PHACTR2: variants seen among roughly 807,000 people sequenced by gnomAD.
PHACTR2 encodes the protein phosphatase and actin regulator 2, also known as chromosome 6 open reading frame 56.
A neutral mutation model predicts 76.0 loss-of-function variants in PHACTR2; 30 were observed. The observed-to-expected ratio is 0.39, with a 90% CI of 0.30 to 0.54. The LOEUF is 0.54. Ranked by LOEUF, PHACTR2 falls within the 20% of genes least tolerant of loss-of-function variation. PHACTR2 has a pLI of 0.61. For missense variants in PHACTR2, 696 were observed against 781.1 expected, an observed-to-expected ratio of 0.89 and a Z score of 1.30; for synonymous variants, 292 against 292.5, an observed-to-expected ratio of 1.00 and a Z score of 0.02.
At position 143,597,940 on chromosome 6, in the gene PHACTR2, G is replaced by A. The variant is rs765765936; in HGVS notation, c.217+60733G>A. ...ATATTTTCTACCTGTTACTCAGCAC[G>A]CAAGACTTCAGGTGCACCTACGGAA... On this transcript the variant is annotated intron_variant, in intron 1 of 11. Transcript: ENST00000367584. This position sits in a 1 kb window ranked among gnomAD's most constrained non-coding sequence, Gnocchi z 5.7. Among the ~76,000 whole-genome samples, 13 of 152,062 alleles carry A rather than the reference G, an allele frequency of 8.5e-5. No homozygotes were observed. The highest frequency in any genetic ancestry group is 1.3e-4 in the Non-Finnish European group (9 of 68,038).
Position 143,780,410 on chromosome 6 carries a change from G to C in PHACTR2, c.1646-2809G>C, listed in dbSNP as rs536994804. On this transcript the variant is annotated intron_variant, in intron 9 of 12. Transcript: ENST00000440869. This position sits in a 1 kb window ranked among gnomAD's most constrained non-coding sequence, Gnocchi z 4.4. ...GAGAATTGCTTGATGCCAGGAGTTTGAGACCAGCCTGGGCAATATAGTGAG... is the reference window on the plus strand; with the variant it reads ...GAGAATTGCTTGATGCCAGGAGTTTCAGACCAGCCTGGGCAATATAGTGAG... Among the ~76,000 whole-genome samples the C allele has an allele frequency of 1.3e-5, 2 of 152,022 alleles. No homozygotes were observed. The highest frequency in any genetic ancestry group is 2.9e-5 in the Non-Finnish European group (2 of 68,012).
In PHACTR2 at chr6:143,639,638, G is replaced by A. The variant is rs1776530210; in HGVS notation, c.13+31316G>A. 6.6e-6 allele frequency among the ~76,000 whole-genome samples: 1 copy of A among 152,104 alleles called. No homozygotes were observed. Among genetic ancestry groups the A allele is most frequent in the African/African-American group, 2.4e-5 (1 of 41,414 alleles). ...TAACTCTCCCTTTGATGATGGATTA[G>A]CATACCCCATCATGAGTAAGGATAG... On this transcript the variant is annotated intron_variant, in intron 1 of 11. Transcript: ENST00000305766. This position sits in a 1 kb window ranked among gnomAD's most constrained non-coding sequence, Gnocchi z 5.0.
rs1011639983 is a variant in PHACTR2, at chr6:143,820,722, C to T, written c.1923-2952C>T. ...TCTGGGGTCTGGAGGACAGTGACTT[C>T]CTTTTCACAGTTCCACTAGGCAATG... is the stretch of plus-strand genomic sequence containing the variant. On this transcript the variant is annotated intron_variant, in intron 12 of 12. Transcript: ENST00000440869. This position sits in a 1 kb window ranked among gnomAD's most constrained non-coding sequence, Gnocchi z 4.2. Among the ~76,000 whole-genome samples, 1 of 152,182 alleles carries T rather than the reference C, an allele frequency of 6.6e-6. No homozygotes were observed. The highest frequency in any genetic ancestry group is 2.4e-5 in the African/African-American group (1 of 41,440).
Position 143,831,174 on chromosome 6 carries a change from A to T in PHACTR2, c.*7485A>T, listed in dbSNP as rs1376172000. On this transcript the variant is annotated 3_prime_UTR_variant, in exon 13 of 13. Transcript: ENST00000440869. This position sits in a 1 kb window ranked among gnomAD's most constrained non-coding sequence, Gnocchi z 5.2. ...AGTTTATAATATAGAAAATAAACAG[A>T]CTTCCTCATTATGCTTGCTATTTAA... The T allele has an allele frequency of 1.3e-5, 2 of 152,222 alleles. No homozygotes were observed. The highest frequency in any genetic ancestry group is 6.5e-5 in the Admixed American group (1 of 15,282). The allele number at this position is 152,222 out of a possible 1,614,324, so 9.4% of individuals were successfully genotyped here. A position where few individuals can be genotyped will look rare whatever the true frequency, so the allele number is the denominator to read the frequency against.
chr6:143,708,786 G>A lies in PHACTR2; in HGVS notation c.47-3230G>A, dbSNP rs926137580. ...ACATATGGTTTCTAATTGCAAATAT[G>A]GTCTATGATAGGGGAAAAATAGGCT... is the stretch of plus-strand genomic sequence containing the variant. On this transcript the variant is annotated intron_variant, in intron 1 of 12. Transcript: ENST00000440869. The surrounding 1 kb of genome is among the most constrained non-coding windows in gnomAD (Gnocchi z 5.5). Among the ~76,000 whole-genome samples the A allele has an allele frequency of 6.6e-6, 1 of 152,122 alleles. No homozygotes were observed. Among genetic ancestry groups the A allele is most frequent in the African/African-American group, 2.4e-5 (1 of 41,420 alleles).
Position 143,742,703 on chromosome 6 carries a change from G to T in PHACTR2, c.215-6282G>T, listed in dbSNP as rs1429183285. ...GCCATTTCTAAAAGAAGTAGAAGAG[G>T]ATGCTAGACATGCCTTTCCTCCTTC... On this transcript the variant is annotated intron_variant, in intron 2 of 12. Transcript: ENST00000440869. This position sits in a 1 kb window ranked among gnomAD's most constrained non-coding sequence, Gnocchi z 4.5. Among the ~76,000 whole-genome samples, 1 of 152,164 alleles carries T rather than the reference G, an allele frequency of 6.6e-6. No individual in the cohort carries two copies. Among genetic ancestry groups the T allele is most frequent in the Non-Finnish European group, 1.5e-5 (1 of 68,020 alleles).
chr6:143,807,203 A>G lies in PHACTR2; in HGVS notation c.1922+70A>G. On this transcript the variant is annotated intron_variant, in intron 12 of 12. Coordinates refer to ENST00000440869, the MANE Select transcript of PHACTR2 (RefSeq NM_001100164.2). This position sits in a 1 kb window ranked among gnomAD's most constrained non-coding sequence, Gnocchi z 5.5. ...TGATCCCATGTTGAGTTGGTTAAAA[A>G]AAGAAATTGCTTACAATGGTAAATT... 1 of 866,168 alleles carries G rather than the reference A, an allele frequency of 1.2e-6. No individual in the cohort carries two copies. The highest frequency in any genetic ancestry group is 1.5e-5 in the South Asian group (1 of 66,630). 53.7% of individuals were successfully genotyped at this position (866,168 alleles called of 1,614,324 possible). A position where few individuals can be genotyped will look rare whatever the true frequency, so the allele number is the denominator to read the frequency against.
In PHACTR2 at chr6:143,550,789, A is replaced by C. The variant is rs986950259; in HGVS notation, c.217+13582A>C. 6.6e-6 allele frequency among the ~76,000 whole-genome samples: 1 copy of C among 151,700 alleles called. No individual in the cohort carries two copies. On this transcript the variant is annotated intron_variant, in intron 1 of 11. Coordinates refer to the PHACTR2 transcript ENST00000367584. This position sits in a 1 kb window ranked among gnomAD's most constrained non-coding sequence, Gnocchi z 4.8. ...TGCGGTGGCTCACGCCTGTAATCCT[A>C]GCACTTTAGGAGGCCTAGGAGGGCA...
chr6:143,774,178 C>A lies in PHACTR2; in HGVS notation c.1552C>A (p.Gln518Lys). Reference protein sequence around the residue: ...ILQRTSEEERQEIRQQIGTKL... With the variant: ...ILQRTSEEERKEIRQQIGTKL... Reference sequence around the variant, plus strand: ...GCAGCGTACATCTGAAGAAGAGAGGCAGGAAATCCGACAACAAATTGGAAC... The same window carrying A: ...GCAGCGTACATCTGAAGAAGAGAGGAAGGAAATCCGACAACAAATTGGAAC... The change falls in exon 8 of 13, where the codon CAG becomes AAG. Residue 518 changes from glutamine to lysine, a missense_variant. Physicochemically the swap from Gln to Lys is moderately conservative, Grantham distance 53 (BLOSUM62 1). Coordinates refer to ENST00000440869, the MANE Select transcript of PHACTR2 (RefSeq NM_001100164.2). The surrounding 1 kb of genome is among the most constrained non-coding windows in gnomAD (Gnocchi z 5.4). 1 of 1,614,020 alleles carries A rather than the reference C, an allele frequency of 6.2e-7. No individual in the cohort carries two copies. Among genetic ancestry groups the A allele is most frequent in the Non-Finnish European group, 8.5e-7 (1 of 1,179,910 alleles).
At chr6:143,603,762 T>C (rs1775838509), upstream of PHACTR2, among the ~76,000 whole-genome samples, 1 of 152,212 alleles carries the variant, frequency 6.6e-6, no homozygotes, top group South Asian at 2.1e-4. Context: ...GTCAAAACTA[T>C]TTGATAGCTG....
chr6:143,550,294 G>C lies in PHACTR2; in HGVS notation c.217+13087G>C, dbSNP rs1481609841. On this transcript the variant is annotated intron_variant, in intron 1 of 11. Transcript: ENST00000367584. This position sits in a 1 kb window ranked among gnomAD's most constrained non-coding sequence, Gnocchi z 4.8. The stretch of plus-strand genomic sequence containing the variant: ...CTTCTAAGTTTTGCTGACGCTGCTG[G>C]TCCTCGGACCACACTTCAAGGGAAG... Among the ~76,000 whole-genome samples the C allele has an allele frequency of 2.0e-5, 3 of 151,992 alleles. 1 individual carries two copies. The highest frequency in any genetic ancestry group is 4.4e-5 in the Non-Finnish European group (3 of 67,960).
intron 1 of PHACTR2, among the ~76,000 whole-genome samples, chr6:143,632,225 G>T (rs2128442201): frequency 6.6e-6 from 1 of 152,278 alleles, no homozygotes; most frequent in Middle Eastern, 3.4e-3. Flanking sequence ...ACCTAGGGAA[G>T]GCTGCTGCTT....
At position 143,823,771 on chromosome 6, in the gene PHACTR2, G is replaced by T; in HGVS notation, c.*82G>T. On this transcript the variant is annotated 3_prime_UTR_variant, in exon 13 of 13. Coordinates refer to ENST00000440869, the MANE Select transcript of PHACTR2 (RefSeq NM_001100164.2). The surrounding 1 kb of genome is among the most constrained non-coding windows in gnomAD (Gnocchi z 5.7). Reference sequence around the variant, plus strand: ...TCCTGAAAACCTGATATTGCACTGGGATTTGAATGTGTGTGTTTCCGTTTA... The same window carrying T: ...TCCTGAAAACCTGATATTGCACTGGTATTTGAATGTGTGTGTTTCCGTTTA... 9.1e-7 allele frequency: 1 copy of T among 1,100,934 alleles called. No individual in the cohort carries two copies. The highest frequency in any genetic ancestry group is 1.2e-5 in the South Asian group (1 of 80,330). The allele number at this position is 1,100,934 out of a possible 1,614,324, so 68.2% of individuals were successfully genotyped here. A position where few individuals can be genotyped will look rare whatever the true frequency, so the allele number is the denominator to read the frequency against.
At position 143,755,924 on chromosome 6, in the gene PHACTR2, C is replaced by G. The variant is rs1158636347; in HGVS notation, c.454+2012C>G. On this transcript the variant is annotated intron_variant, in intron 4 of 12. Coordinates refer to ENST00000440869, the MANE Select transcript of PHACTR2 (RefSeq NM_001100164.2). The surrounding 1 kb of genome is among the most constrained non-coding windows in gnomAD (Gnocchi z 5.2). The stretch of plus-strand genomic sequence containing the variant: ...AACTCAAGCTTCACTTTTGCCTCTG[C>G]TCCTCTTCTGGTCTCACTGCTTGTG... Among the ~76,000 whole-genome samples, 1 of 152,066 alleles carries G rather than the reference C, an allele frequency of 6.6e-6. No individual in the cohort carries two copies. Among genetic ancestry groups the G allele is most frequent in the Non-Finnish European group, 1.5e-5 (1 of 68,034 alleles).
chr6:143,685,721 A>G (rs1777501228), intron 1 of PHACTR2, among the ~76,000 whole-genome samples: 1 of 151,604 alleles, frequency 6.6e-6, no homozygotes, highest in South Asian at 2.1e-4. Context: ...GCAACTGATC[A>G]CCTATGAGTT....
Position 143,623,894 on chromosome 6 carries a change from A to G in PHACTR2, c.13+15572A>G, listed in dbSNP as rs1217763391. Among the ~76,000 whole-genome samples, 4 of 152,194 alleles carry G rather than the reference A, an allele frequency of 2.6e-5. No homozygotes were observed. The highest frequency in any genetic ancestry group is 9.7e-5 in the African/African-American group (4 of 41,438). On this transcript the variant is annotated intron_variant, in intron 1 of 11. Coordinates refer to the PHACTR2 transcript ENST00000305766. The surrounding 1 kb of genome is among the most constrained non-coding windows in gnomAD (Gnocchi z 5.9). ...CACATATTATATTGTCTTACCATGT[A>G]TGATGCACAATATTCTGGGTACACT...
In PHACTR2 at chr6:143,603,149, A is replaced by AAAG. The variant is rs1461527921; in HGVS notation, c.217+65944_217+65945insGAA. Among the ~76,000 whole-genome samples, 164 of 151,302 alleles carry AAAG rather than the reference A, an allele frequency of 1.1e-3. 3 individuals carry two copies. Among genetic ancestry groups the AAAG allele is most frequent in the Middle Eastern group, 3.5e-3 (1 of 288 alleles). ...GACAAGAGCAAGACTCTGTCTCAAA[A>AAAG]AAAAAAAAAAAAAAAAAATACTTGG... On this transcript the variant is annotated intron_variant, in intron 1 of 11. Transcript: ENST00000367584.
rs192838310 is a variant in PHACTR2, at chr6:143,570,367, G to C, written c.217+33160G>C. Among the ~76,000 whole-genome samples, 1 of 152,246 alleles carries C rather than the reference G, an allele frequency of 6.6e-6. No individual in the cohort carries two copies. The highest frequency in any genetic ancestry group is 2.4e-5 in the African/African-American group (1 of 41,524). The stretch of plus-strand genomic sequence containing the variant: ...TTGTACTCACAGTCATCTTATGCAG[G>C]GTTTGTACTTCGGCTTCTCTCACTG... On this transcript the variant is annotated intron_variant, in intron 1 of 11. Transcript: ENST00000367584. The surrounding 1 kb of genome is among the most constrained non-coding windows in gnomAD (Gnocchi z 4.6).
In PHACTR2 at chr6:143,633,583, T is replaced by G. The variant is rs1257654665; in HGVS notation, c.13+25261T>G. On this transcript the variant is annotated intron_variant, in intron 1 of 11. Transcript: ENST00000305766. This position sits in a 1 kb window ranked among gnomAD's most constrained non-coding sequence, Gnocchi z 4.1. ...GTCTTCTGCAAGTAGTTTTTCCCAG[T>G]CTGTGGCTTGTCTTCTCATTATCTT... 2.0e-5 allele frequency among the ~76,000 whole-genome samples: 3 copies of G among 152,188 alleles called. No individual in the cohort carries two copies.
Sources: allele counts gnomAD v4.1 joint callset (sites outside exome capture counted in the v4.1 genomes callset), GRCh38; gene constraint gnomAD v4.1.1; non-coding constraint Gnocchi (gnomAD v3.1); transcripts MANE v1.5; gene names NCBI Gene and HGNC (gene_info 2026-07-23, HGNC 2026-07-21).